Variants in NRXN2 observed in about 807,000 individuals in gnomAD.
NRXN2 encodes neurexin-2-beta.
In NRXN2, 29 loss-of-function variants were observed where a neutral mutation model predicts 128.8. The ratio of observed to expected loss-of-function variants is 0.23; its 90% confidence interval spans 0.17 to 0.31. NRXN2 has a LOEUF of 0.31. Among genes scored for constraint, NRXN2 ranks in the 10% least tolerant of loss-of-function variants. The probability of loss-of-function intolerance (pLI) is 1.00; values close to 1 mark genes in which losing one functional copy is unlikely to be tolerated. For synonymous variants in NRXN2, 1,098 were observed against 1,075.2 expected (o/e 1.02, Z -0.41); for missense variants, 1,881 against 2,452.6 (o/e 0.77, Z 4.92).
chr11:64,715,504 C>T lies in NRXN2; in HGVS notation c.-244-1561G>A, dbSNP rs79071663. On this transcript the variant is annotated intron_variant, in intron 1 of 22. Coordinates refer to ENST00000265459, the MANE Select transcript of NRXN2 (RefSeq NM_015080.4). ...AGCTGAAGAGCTATGTGGAAGGAAA[C>T]GAGGGACCCCCTAAAAAACCATAGT... Among the ~76,000 whole-genome samples the T allele has an allele frequency of 4.4e-3, 669 of 152,208 alleles. 4 individuals are homozygous for T. The highest frequency in any genetic ancestry group is 0.016 in the African/African-American group (651 of 41,522).
chr11:64,641,008 G>A (rs1453861579), intron 17 of NRXN2, among the ~76,000 whole-genome samples: 1 of 152,122 alleles, frequency 6.6e-6, no homozygotes, highest in African/African-American at 2.4e-5. Context: ...AGGAAGTGAT[G>A]AGGGTACAAG....
At chr11:64,684,876 G>A (rs533257394) in intron 6 of NRXN2, among the ~76,000 whole-genome samples, 1 of 152,194 alleles carries the variant, frequency 6.6e-6, no homozygotes, top group African/African-American at 2.4e-5. Flanking sequence ...CTGTCTGCAG[G>A]AGCCAATGCA....
rs1369086238 is a variant in NRXN2, at chr11:64,661,818, A to G, written c.1799-679T>C. Reference sequence around the variant, plus strand: ...CCAGCAGCAAGAACTCAGAGCCTGCACTCTCCACCCCTCAGCCAAGAGCCC... The same window carrying G: ...CCAGCAGCAAGAACTCAGAGCCTGCGCTCTCCACCCCTCAGCCAAGAGCCC... On this transcript the variant is annotated intron_variant, in intron 9 of 22. Transcript: ENST00000265459. 3.3e-5 allele frequency among the ~76,000 whole-genome samples: 5 copies of G among 151,808 alleles called. No homozygotes were observed. In the East Asian group the frequency reaches 9.6e-4, roughly 29 times the overall value.
intron 4 of NRXN2, among the ~76,000 whole-genome samples, chr11:64,692,009 G>A (rs2053867430): frequency 6.6e-6 from 1 of 152,190 alleles, no homozygotes; most frequent in Non-Finnish European, 1.5e-5. Context: ...CAGAGGGCTA[G>A]AGGAGGCCAG....
intron 2 of NRXN2, among the ~76,000 whole-genome samples, chr11:64,704,888 T>A (rs958653272): frequency 2.0e-5 from 3 of 152,204 alleles, no homozygotes; most frequent in African/African-American, 7.2e-5. Flanking sequence ...CCAGCTATTA[T>A]GCTTAGGGAG....
chr11:64,638,478 G>T (rs1475867084), intron 17 of NRXN2, among the ~76,000 whole-genome samples: 2 of 152,262 alleles, frequency 1.3e-5, no homozygotes, highest in East Asian at 1.9e-4. Context: ...CCCCAGCCGC[G>T]CTCCGGAGGC....
rs1420421533 is a variant in NRXN2, at chr11:64,686,817, C to T, written c.851-870G>A. On this transcript the variant is annotated intron_variant, in intron 5 of 22. Coordinates refer to ENST00000265459, the MANE Select transcript of NRXN2 (RefSeq NM_015080.4). ...TGTGTGCATGTATGTCCATAGGCACCCGGCACAGGGCCCTTCCACTGGCAC... is the reference window on the plus strand; with the variant it reads ...TGTGTGCATGTATGTCCATAGGCACTCGGCACAGGGCCCTTCCACTGGCAC... Among the ~76,000 whole-genome samples, 3 of 152,166 alleles carry T rather than the reference C, an allele frequency of 2.0e-5. No homozygotes were observed. The East Asian group carries it at 5.8e-4, about 29-fold the overall frequency.
At chr11:64,659,367 TG>T (rs532805641) in intron 11 of NRXN2, 1 of 152,302 alleles carries the variant, frequency 6.6e-6, no homozygotes, top group Non-Finnish European at 1.5e-5. Context: ...TGAGTGAACC[TG>T]CTGTTTTCTT....
chr11:64,644,225 A>G (rs886135722), intron 17 of NRXN2, among the ~76,000 whole-genome samples: 5 of 152,046 alleles, frequency 3.3e-5, no homozygotes, highest in African/African-American at 2.4e-5. Flanking sequence ...CCTCCAAAAT[A>G]GGGTCCACAG....
At chr11:64,709,065 G>A (rs1349732967) in intron 2 of NRXN2, among the ~76,000 whole-genome samples, 7 of 151,742 alleles carry the variant, frequency 4.6e-5, no homozygotes, top group Non-Finnish European at 5.9e-5. Flanking sequence ...AGTGGCGGGC[G>A]CCTGTAATCC....
chr11:64,620,024 C>T (rs1591530724), intron 22 of NRXN2, among the ~76,000 whole-genome samples: 1 of 152,204 alleles, frequency 6.6e-6, no homozygotes, highest in African/African-American at 2.4e-5. Flanking sequence ...TAGGGAAACG[C>T]CTCCCTCCTT....
rs775456348 is a variant in NRXN2 at position 64,630,767 on chromosome 11, C to T, written c.3586-194G>A. ...AGGGAGTAACTTGAGGCCGGAGGTG[C>T]GTGCAGAGCCTGGGCCCAGAGCGCC... On this transcript the variant is annotated intron_variant, in intron 18 of 22. Coordinates refer to ENST00000265459, the MANE Select transcript of NRXN2 (RefSeq NM_015080.4). The surrounding 1 kb of genome is among the most constrained non-coding windows in gnomAD (Gnocchi z 4.6). Among the ~76,000 whole-genome samples, 2 of 152,214 alleles carry T rather than the reference C, an allele frequency of 1.3e-5. No individual in the cohort carries two copies. Among genetic ancestry groups the T allele is most frequent in the African/African-American group, 2.4e-5 (1 of 41,454 alleles).
chr11:64,713,684 G>T lies in NRXN2; in HGVS notation c.16C>A (p.Arg6=), dbSNP rs2057174901. 1 of 1,138,736 alleles carries T rather than the reference G, an allele frequency of 8.8e-7. No individual in the cohort carries two copies. Among genetic ancestry groups the T allele is most frequent in the South Asian group, 4.0e-5 (1 of 25,040 alleles). 70.5% of individuals were successfully genotyped at this position (1,138,736 alleles called of 1,614,324 possible). A position where few individuals can be genotyped will look rare whatever the true frequency, so the allele number is the denominator to read the frequency against. Residue 6 remains arginine (R), a synonymous_variant, in exon 2 of 23, where the codon CGG becomes AGG. Transcript: ENST00000265459. ...AGCGGCGGCGGTGTCGGCCGCCACC[G>T]GCTCCCGGACGCCATGCCTACGGCG... is the stretch of plus-strand genomic sequence containing the variant. The part of the protein sequence containing the change: MASGS[R]WRPTPPPLLL...
chr11:64,661,010 G>GGGGGCA lies in NRXN2; in HGVS notation c.1922_1927dup (p.Leu641_Pro642dup), dbSNP rs2048951948. The GGGGGCA allele has an allele frequency of 1.2e-6, 2 of 1,613,686 alleles. No homozygotes were observed. The highest frequency in any genetic ancestry group is 1.7e-6 in the Non-Finnish European group (2 of 1,179,998). ...CCGGAGTGCTGCTGTCCACACCTCTGGGGGCAGGGGCAGGTCCACCCGGCC... is the reference window on the plus strand; with the variant it reads ...CCGGAGTGCTGCTGTCCACACCTCTGGGGGCAGGGGCAGGGGCAGGTCCACCCGGCC... On this transcript the variant is annotated inframe_insertion, in exon 10 of 23. Transcript: ENST00000265459.
chr11:64,720,137 G>A (rs142927512), intron 1 of NRXN2, among the ~76,000 whole-genome samples: 58 of 152,338 alleles, frequency 3.8e-4, no homozygotes, highest in African/African-American at 1.2e-3. Context: ...GGAGCACAGC[G>A]GAGTCCCACC....
intron 2 of NRXN2, among the ~76,000 whole-genome samples, chr11:64,702,971 TAAA>T (rs557268486): frequency 3.9e-5 from 2 of 51,134 alleles, no homozygotes; most frequent in Admixed American, 4.6e-4. Flanking sequence ...CCCAGGTCTC[TAAA>T]AAAAAAAAAA....
chr11:64,635,390 C>A lies in NRXN2; in HGVS notation c.3466G>T (p.Asp1156Tyr), dbSNP rs1259949963. 1 of 1,613,724 alleles carries A rather than the reference C, an allele frequency of 6.2e-7. No homozygotes were observed. Among genetic ancestry groups the A allele is most frequent in the Non-Finnish European group, 8.5e-7 (1 of 1,180,032 alleles). Residue 1156 changes from aspartate (D) to tyrosine (Y), a missense_variant, in exon 18 of 23, where the codon GAC (aspartate) becomes TAC (tyrosine). By Grantham distance (160) the Asp-to-Tyr change is radical. Coordinates refer to ENST00000265459, the MANE Select transcript of NRXN2 (RefSeq NM_015080.4). This position sits in a 1 kb window ranked among gnomAD's most constrained non-coding sequence, Gnocchi z 4.8. Reference protein sequence around the residue: ...ALITYTWPPNDRPSTRMDRLA... With the variant: ...ALITYTWPPNYRPSTRMDRLA... ...CGATCCATCCTCGTGCTGGGCCTGT[C>A]ATTGGGGGGCCACGTGTAGGTGATG...
rs115818917 is a variant in NRXN2, at chr11:64,615,075, C to T, written c.4252+5219G>A. On this transcript the variant is annotated intron_variant, in intron 22 of 22. Transcript: ENST00000265459. Reference sequence around the variant, plus strand: ...CAGGGCACAGCAAGGCCATACCTCACAGCCTTCCTTAAAGCTAGGCTGGGC... The same window carrying T: ...CAGGGCACAGCAAGGCCATACCTCATAGCCTTCCTTAAAGCTAGGCTGGGC... Among the ~76,000 whole-genome samples the T allele has an allele frequency of 6.9e-3, 1,046 of 152,382 alleles. 13 individuals carry two copies. The highest frequency in any genetic ancestry group is 0.024 in the African/African-American group (997 of 41,598).
intron 19 of NRXN2, among the ~76,000 whole-genome samples, chr11:64,628,098 T>G (rs937863986): frequency 6.6e-6 from 1 of 152,242 alleles, no homozygotes; most frequent in Non-Finnish European, 1.5e-5. Flanking sequence ...AATGTACATC[T>G]GCCTGGAGGG....
Sources: allele counts gnomAD v4.1 joint callset (sites outside exome capture counted in the v4.1 genomes callset), GRCh38; gene constraint gnomAD v4.1.1; non-coding constraint Gnocchi (gnomAD v3.1); transcripts MANE v1.5; gene names NCBI Gene and HGNC (gene_info 2026-07-23, HGNC 2026-07-21).